B3GALNT1: variants seen among roughly 807,000 people sequenced by gnomAD.
The protein encoded by B3GALNT1 is UDP-GalNAc:beta-1,3-N-acetylgalactosaminyltransferase 1.
In B3GALNT1, 17 loss-of-function variants were observed where a neutral mutation model predicts 27.3. That is an observed-to-expected ratio of 0.62 (90% confidence interval 0.43 to 0.94). B3GALNT1 has a LOEUF of 0.94. B3GALNT1 is among the 40% of genes least tolerant of loss of function. The pLI is 0.00. For missense variants in B3GALNT1, 347 were observed against 390.0 expected, an observed-to-expected ratio of 0.89 and a Z score of 0.93; for synonymous variants, 141 against 144.0, an observed-to-expected ratio of 0.98 and a Z score of 0.15.
chr3:161,095,252 A>C (rs778678964), intron 4 of B3GALNT1, among the ~76,000 whole-genome samples: 1 of 152,162 alleles, frequency 6.6e-6, no homozygotes, highest in Non-Finnish European at 1.5e-5. Flanking sequence ...CTCATGCCTC[A>C]CATCTCAGCA....
At chr3:161,101,896 A>G (rs911212387) in intron 3 of B3GALNT1, among the ~76,000 whole-genome samples, 8 of 152,212 alleles carry the variant, frequency 5.3e-5, no homozygotes, top group Admixed American at 3.3e-4. Flanking sequence ...AATTCCAGAT[A>G]TGAGATATGG....
At chr3:161,091,185 T>C (rs990146520) in intron 4 of B3GALNT1, among the ~76,000 whole-genome samples, 1 of 151,960 alleles carries the variant, frequency 6.6e-6, no homozygotes, top group Non-Finnish European at 1.5e-5. Context: ...AGAAGGATGG[T>C]TTGGGTGTGG....
intron 4 of B3GALNT1, among the ~76,000 whole-genome samples, chr3:161,089,134 G>A (rs191554116): frequency 6.6e-6 from 1 of 152,282 alleles, no homozygotes; most frequent in Admixed American, 6.5e-5. Flanking sequence ...GGATGAATGG[G>A]TATGTTATGT....
At chr3:161,097,875 C>T (rs891779284) in intron 4 of B3GALNT1, among the ~76,000 whole-genome samples, 10 of 152,160 alleles carry the variant, frequency 6.6e-5, no homozygotes, top group Admixed American at 6.5e-4. Flanking sequence ...TTTCTCCTTA[C>T]TTTGGAGCAT....
rs1172922328 is a variant in B3GALNT1 at position 161,093,337 on chromosome 3, G to A, written c.-34-6549C>T. 3.3e-5 allele frequency among the ~76,000 whole-genome samples: 5 copies of A among 152,210 alleles called. No individual in the cohort carries two copies. In the East Asian group the frequency reaches 5.8e-4, roughly 18 times the overall value. On this transcript the variant is annotated intron_variant, in intron 4 of 4. Coordinates refer to ENST00000320474, the MANE Select transcript of B3GALNT1 (RefSeq NM_003781.4). ...CAATCAATAAAAATATTTTTAAAAC[G>A]ATACTCAGGCATGTAGATAAATAAG...
intron 4 of B3GALNT1, among the ~76,000 whole-genome samples, chr3:161,092,836 G>A (rs538049038): frequency 2.2e-5 from 3 of 137,270 alleles, no homozygotes; most frequent in South Asian, 2.3e-4. Flanking sequence ...GTGCAATCTC[G>A]GCTCACTGCG....
chr3:161,102,945 A>G (rs1036968192), intron 3 of B3GALNT1, among the ~76,000 whole-genome samples: 2 of 152,228 alleles, frequency 1.3e-5, no homozygotes, highest in Non-Finnish European at 2.9e-5. Context: ...TACTCAATGG[A>G]GCATTTTCTT....
In B3GALNT1 at chr3:161,103,467, T is replaced by C. The variant is rs531532021; in HGVS notation, c.-170A>G. ...TGAAATTAAAGCTTAAGTTTTTTGT[T>C]GTTTTCTGTATTCCATGCTTAATTA... is the stretch of plus-strand genomic sequence containing the variant. On this transcript the variant is annotated 5_prime_UTR_variant, in exon 3 of 5. Coordinates refer to ENST00000320474, the MANE Select transcript of B3GALNT1 (RefSeq NM_003781.4). 1.0e-5 allele frequency: 13 copies of C among 1,284,372 alleles called. No individual in the cohort carries two copies. In the Admixed American group the frequency reaches 2.8e-4, roughly 27 times the overall value. The allele number at this position is 1,284,372 out of a possible 1,614,324, so 79.6% of individuals were successfully genotyped here.
intron 4 of B3GALNT1, 95 bp downstream of exon 4, chr3:161,101,044 C>G (rs1282095182): frequency 1.1e-6 from 1 of 927,484 alleles, no homozygotes; most frequent in Non-Finnish European, 1.5e-6. Flanking sequence ...TCTGCCAGGG[C>G]ACAGTGCCCC....
chr3:161,091,883 A>G (rs1725299856), intron 4 of B3GALNT1, among the ~76,000 whole-genome samples: 1 of 152,216 alleles, frequency 6.6e-6, no homozygotes, highest in Admixed American at 6.5e-5. Flanking sequence ...GAAATTACTG[A>G]TGATGATTAT....
At chr3:161,092,919 G>A (rs181007893) in intron 4 of B3GALNT1, among the ~76,000 whole-genome samples, 6 of 151,704 alleles carry the variant, frequency 4.0e-5, no homozygotes, top group Non-Finnish European at 5.9e-5. Flanking sequence ...CACCACGCCC[G>A]GCTAATTTTT....
intron 4 of B3GALNT1, among the ~76,000 whole-genome samples, chr3:161,093,669 G>T (rs2108324384): frequency 6.6e-6 from 1 of 152,300 alleles, no homozygotes; most frequent in Non-Finnish European, 1.5e-5. Flanking sequence ...TGTCAAGAAA[G>T]AAATTATAAC....
chr3:161,102,554 T>A (rs1731912670), intron 3 of B3GALNT1, among the ~76,000 whole-genome samples: 1 of 152,234 alleles, frequency 6.6e-6, no homozygotes, highest in South Asian at 2.1e-4. Flanking sequence ...TCAGTATTTA[T>A]AATATACAAT....
At chr3:161,092,774 T>TC (rs1553768593) in intron 4 of B3GALNT1, among the ~76,000 whole-genome samples, 1 of 144,726 alleles carries the variant, frequency 6.9e-6, no homozygotes, top group African/African-American at 2.6e-5. Flanking sequence ...TTTTTTTTTT[T>TC]TTTTTTTTTT....
chr3:161,103,615 C>A, intron 2 of B3GALNT1, 98 bp from the exon 3 acceptor site: 1 of 322,236 alleles, frequency 3.1e-6, no homozygotes. Flanking sequence ...GTTTTTGGAG[C>A]CATTTATTAC....
intron 4 of B3GALNT1, chr3:161,090,178 T>A (rs1156907084): frequency 6.5e-6 from 1 of 153,998 alleles, no homozygotes; most frequent in African/African-American, 2.4e-5. Flanking sequence ...GAAGAAACCA[T>A]CCAAAAAGAT....
intron 3 of B3GALNT1, among the ~76,000 whole-genome samples, chr3:161,102,947 C>G (rs1376231753): frequency 6.6e-6 from 1 of 152,182 alleles, no homozygotes; most frequent in Non-Finnish European, 1.5e-5. Flanking sequence ...CTCAATGGAG[C>G]ATTTTCTTAG....
chr3:161,103,585 T>C (rs1732598139), intron 2 of B3GALNT1, 68 bp from the exon 3 acceptor site: 2 of 554,184 alleles, frequency 3.6e-6, no homozygotes, highest in Non-Finnish European at 5.4e-6. Flanking sequence ...CTAAAATCAA[T>C]GTTGTATACT....
intron 4 of B3GALNT1, among the ~76,000 whole-genome samples, chr3:161,091,943 T>G (rs1010855076): frequency 4.6e-5 from 7 of 152,240 alleles, no homozygotes; most frequent in African/African-American, 7.2e-5. Context: ...ATTGGCTATC[T>G]GTATGATGCC....
Sources: allele counts gnomAD v4.1 joint callset (sites outside exome capture counted in the v4.1 genomes callset), GRCh38; gene constraint gnomAD v4.1.1; transcripts MANE v1.5; gene names NCBI Gene and HGNC (gene_info 2026-07-23, HGNC 2026-07-21).